Variants in PDE2A observed in about 807,000 individuals in gnomAD.
The protein encoded by PDE2A is cGMP-dependent 3',5'-cyclic phosphodiesterase.
In PDE2A, 53 loss-of-function variants were observed where a neutral mutation model predicts 133.6. The ratio of observed to expected loss-of-function variants is 0.40; its 90% CI spans 0.32 to 0.50. PDE2A has a LOEUF of 0.50. Ranked by LOEUF, PDE2A falls within the 20% of genes least tolerant of loss-of-function variation. The pLI, the probability that PDE2A is intolerant of heterozygous loss-of-function variation, is 0.73. For synonymous variants in PDE2A, 491 were observed against 490.2 expected (o/e 1.00, Z -0.02); for missense variants, 796 against 1,232.4 (o/e 0.65, Z 5.30).
At chr11:72,609,465 C>A (rs949164843) in intron 2 of PDE2A, among the ~76,000 whole-genome samples, 7 of 152,130 alleles carry the variant, frequency 4.6e-5, no homozygotes, top group African/African-American at 1.7e-4. Context: ...GGGTGCATAA[C>A]CCATAAGGTG....
At chr11:72,596,865 C>T (rs979296467) in intron 5 of PDE2A, among the ~76,000 whole-genome samples, 2 of 152,134 alleles carry the variant, frequency 1.3e-5, no homozygotes, top group South Asian at 2.1e-4. Context: ...AACCCCTTCA[C>T]TCACAACCTT....
At chr11:72,636,143 G>C in intron 2 of PDE2A, 2 of 1,174,968 alleles carry the variant, frequency 1.7e-6, no homozygotes, top group Non-Finnish European at 1.1e-6. Context: ...AGGCTCTGCA[G>C]AGGAGGGGCC....
intron 1 of PDE2A, among the ~76,000 whole-genome samples, chr11:72,644,714 AAGTTATTTT>A (rs1859080225): frequency 6.6e-6 from 1 of 151,086 alleles, no homozygotes; most frequent in African/African-American, 2.4e-5. Context: ...ACCTCTTGAG[AAGTTATTTT>A]ATTTATTTTA....
intron 1 of PDE2A, among the ~76,000 whole-genome samples, chr11:72,650,536 A>G (rs1287700865): frequency 2.0e-5 from 3 of 150,688 alleles, no homozygotes; most frequent in Non-Finnish European, 4.4e-5. Flanking sequence ...CCCGTGCCCC[A>G]CCTCACCGCA....
intron 1 of PDE2A, among the ~76,000 whole-genome samples, chr11:72,665,600 T>C (rs1855212364): frequency 6.6e-6 from 1 of 152,170 alleles, no homozygotes; most frequent in South Asian, 2.1e-4. Context: ...TGGCCCCCCA[T>C]GGCAGCTACA....
chr11:72,580,467 C>T (rs923077998), intron 25 of PDE2A, 110 bp downstream of exon 25: 44 of 843,910 alleles, frequency 5.2e-5, no homozygotes, highest in East Asian at 1.6e-4. Flanking sequence ...CTGCAGCTCT[C>T]GCAGCCTGTC....
At chr11:72,636,214 A>G (rs1858690410) in intron 2 of PDE2A, 3 of 906,362 alleles carry the variant, frequency 3.3e-6, no homozygotes, top group Non-Finnish European at 4.0e-6. Flanking sequence ...GGGCAGCCAC[A>G]TCAGAGGCAG....
intron 1 of PDE2A, among the ~76,000 whole-genome samples, chr11:72,648,578 G>A (rs1859192292): frequency 6.6e-6 from 1 of 152,110 alleles, no homozygotes; most frequent in Non-Finnish European, 1.5e-5. Context: ...ATGCATGTTT[G>A]TCTTGTCTGC....
Position 72,585,061 on chromosome 11 carries a change from G to A in PDE2A, c.1287-117C>T, listed in dbSNP as rs866641115. ...GCCTGGGAGGAGTGCTCCAAGGTAA[G>A]ACACTCTGCTCAGGGCTGGCTGGCT... On this transcript the variant is annotated intron_variant, in intron 16 of 30. Coordinates refer to ENST00000334456, the MANE Select transcript of PDE2A (RefSeq NM_002599.5). 6.3e-5 allele frequency: 62 copies of A among 979,498 alleles called. No individual in the cohort carries two copies. In the Middle Eastern group the frequency reaches 1.1e-3, roughly 18 times the overall value. 60.7% of individuals were successfully genotyped at this position (979,498 alleles called of 1,614,324 possible).
At chr11:72,667,237 A>T (rs1487466386) in intron 1 of PDE2A, among the ~76,000 whole-genome samples, 1 of 152,164 alleles carries the variant, frequency 6.6e-6, no homozygotes, top group African/African-American at 2.4e-5. Flanking sequence ...GGAAGCTCAC[A>T]TTCAGGTACA....
At position 72,625,797 on chromosome 11, in the gene PDE2A, G is replaced by A. The variant is rs534815464; in HGVS notation, c.144+16457C>T. 5.3e-5 allele frequency among the ~76,000 whole-genome samples: 8 copies of A among 152,318 alleles called. No individual in the cohort carries two copies. The East Asian group carries it at 7.7e-4, about 15-fold the overall frequency. ...CCCACAGACTCCCCCCAGCAAGGGCGCTGCCAAGCTCCCTCTCCTCCTGCC... is the reference window on the plus strand; with the variant it reads ...CCCACAGACTCCCCCCAGCAAGGGCACTGCCAAGCTCCCTCTCCTCCTGCC... On this transcript the variant is annotated intron_variant, in intron 2 of 30. Coordinates refer to ENST00000334456, the MANE Select transcript of PDE2A (RefSeq NM_002599.5).
At chr11:72,664,663 G>A (rs1469220092) in intron 1 of PDE2A, among the ~76,000 whole-genome samples, 1 of 151,364 alleles carries the variant, frequency 6.6e-6, no homozygotes, top group Non-Finnish European at 1.5e-5. Flanking sequence ...GTGAGCCACC[G>A]TGCCCGGCCT....
chr11:72,591,276 C>T (rs764046701), intron 7 of PDE2A, 21 bp downstream of exon 7: 7 of 1,603,758 alleles, frequency 4.4e-6, no homozygotes, highest in Non-Finnish European at 4.3e-6. Flanking sequence ...CCTCATTGCA[C>T]ATGGCCCCAC....
intron 2 of PDE2A, among the ~76,000 whole-genome samples, chr11:72,630,031 G>T (rs111736117): frequency 1.3e-5 from 2 of 151,854 alleles, no homozygotes; most frequent in African/African-American, 2.4e-5. Flanking sequence ...CCTCTGTGCC[G>T]ATCTTCAACA....
intron 2 of PDE2A, among the ~76,000 whole-genome samples, chr11:72,628,132 T>C (rs1277899840): frequency 6.6e-6 from 1 of 152,164 alleles, no homozygotes; most frequent in Non-Finnish European, 1.5e-5. Flanking sequence ...GAGCATCCTG[T>C]CTCACAGGGG....
At chr11:72,627,257 C>G (rs555005742) in intron 2 of PDE2A, among the ~76,000 whole-genome samples, 1 of 152,362 alleles carries the variant, frequency 6.6e-6, no homozygotes, top group South Asian at 2.1e-4. Context: ...CCTCTGCCTC[C>G]TGGGTGTTTA....
chr11:72,657,311 C>G (rs1269064167), intron 1 of PDE2A, among the ~76,000 whole-genome samples: 1 of 152,020 alleles, frequency 6.6e-6, no homozygotes, highest in African/African-American at 2.4e-5. Context: ...CAAACAGGAA[C>G]AAGGCTCAGA....
intron 1 of PDE2A, among the ~76,000 whole-genome samples, chr11:72,644,820 G>A (rs1436777254): frequency 1.3e-5 from 2 of 152,060 alleles, no homozygotes; most frequent in African/African-American, 2.4e-5. Flanking sequence ...GCAGTGGCGC[G>A]ATCTCAGCTC....
intron 25 of PDE2A, 23 bp downstream of exon 25, chr11:72,580,554 G>A (rs749099388): frequency 1.7e-5 from 26 of 1,544,824 alleles, no homozygotes; most frequent in Admixed American, 7.8e-5. Flanking sequence ...GAAGAAGGAC[G>A]GGGTGGGACA....
Sources: gnomAD v4.1 joint callset for allele counts (sites outside exome capture counted in the v4.1 genomes callset) on GRCh38, gnomAD v4.1.1 for gene constraint, MANE v1.5 for transcripts, NCBI Gene and HGNC (gene_info 2026-07-23, HGNC 2026-07-21) for gene names.